OCM: variants seen among roughly 807,000 people sequenced by gnomAD.
The protein encoded by OCM is oncomodulin, also known as oncomodulin-1.
OCM carries 18 observed loss-of-function variants against 14.1 expected under a neutral mutation model. The ratio of observed to expected loss-of-function variants is 1.28; its 90% CI spans 0.88 to 1.89. OCM has a LOEUF of 1.89. Among genes scored for constraint, OCM ranks in the 40% most tolerant of loss-of-function variants. OCM has a pLI of 0.00. For missense variants in OCM, 140 were observed against 137.6 expected, an observed-to-expected ratio of 1.02 and a Z score of -0.09; for synonymous variants, 48 against 51.0, an observed-to-expected ratio of 0.94 and a Z score of 0.25.
At chr7:5,877,035 A>G (rs113688583), upstream of OCM, among the ~76,000 whole-genome samples, 1,668 of 151,908 alleles carry the variant, frequency 0.011, 32 homozygotes, top group African/African-American at 0.039. Flanking sequence ...TGAACTCCCA[A>G]CCTCAGGTGA....
upstream of OCM, among the ~76,000 whole-genome samples, chr7:5,876,755 C>G (rs1490063267): frequency 6.6e-6 from 1 of 151,892 alleles, no homozygotes; most frequent in Admixed American, 6.6e-5. Flanking sequence ...CACTGTTTTA[C>G]CCAGGAAAGA....
At chr7:5,866,795 T>C in the OCM span, among the ~76,000 whole-genome samples, 1 of 152,148 alleles carries the variant, frequency 6.6e-6, no homozygotes, top group African/African-American at 2.4e-5. Flanking sequence ...TAGTTCCAGT[T>C]TATTGTGAGC....
the OCM span, among the ~76,000 whole-genome samples, chr7:5,865,004 A>G: frequency 1.3e-5 from 2 of 151,980 alleles, no homozygotes; most frequent in Non-Finnish European, 2.9e-5. Context: ...GGCATGAGAC[A>G]TTTGACTTGA....
the OCM span, among the ~76,000 whole-genome samples, chr7:5,866,389 A>AGG: frequency 2.9e-4 from 15 of 50,872 alleles, no homozygotes; most frequent in East Asian, 1.9e-3. Context: ...AAGGAGGAAG[A>AGG]GAGGAAGGAA....
the OCM span, among the ~76,000 whole-genome samples, chr7:5,874,268 T>G: frequency 7.2e-6 from 1 of 138,884 alleles, no homozygotes; most frequent in African/African-American, 2.6e-5. Flanking sequence ...TATTTCCACA[T>G]CTTCCTCCTA....
At chr7:5,864,780 A>C in the OCM span, among the ~76,000 whole-genome samples, 3 of 151,946 alleles carry the variant, frequency 2.0e-5, no homozygotes, top group African/African-American at 4.8e-5. Flanking sequence ...CTCTACTAAA[A>C]ATACAAAATT....
At chr7:5,871,425 T>G in the OCM span, among the ~76,000 whole-genome samples, 1 of 152,044 alleles carries the variant, frequency 6.6e-6, no homozygotes, top group Admixed American at 6.6e-5. Flanking sequence ...AACTCCTGGC[T>G]TCAAGGCAAA....
chr7:5,866,362 G>GA, the OCM span, among the ~76,000 whole-genome samples: 1 of 120,722 alleles, frequency 8.3e-6, no homozygotes. Context: ...GGGAGGAAAG[G>GA]AGGAAGGGAG....
At position 5,880,902 on chromosome 7, in the gene OCM, G is replaced by A. The variant is rs1205616573; in HGVS notation, c.13G>A (p.Asp5Asn). 1 of 1,614,092 alleles carries A rather than the reference G, an allele frequency of 6.2e-7. No homozygotes were observed. The highest frequency in any genetic ancestry group is 8.5e-7 in the Non-Finnish European group (1 of 1,179,984). The change falls in exon 1 of 4, where the codon GAC (aspartate) becomes AAC (asparagine). Residue 5 changes from aspartate (D) to asparagine (N), a missense_variant. Coordinates refer to ENST00000242104, the MANE Select transcript of OCM (RefSeq NM_001097622.2). ...GAGTAGGTAGAAAATGAGCATCACG[G>A]ACGTGCTCAGTGCTGACGACATTGC... MSIT[D>N]VLSADDIAAA...
the OCM span, among the ~76,000 whole-genome samples, chr7:5,860,476 TGTATATATACGTG>T: frequency 1.6e-4 from 6 of 36,576 alleles, no homozygotes; most frequent in African/African-American, 7.4e-4. Context: ...TATATATACG[TGTATATATACGTG>T]TATATATATA....
chr7:5,871,048 A>G, the OCM span, among the ~76,000 whole-genome samples: 5,852 of 152,048 alleles, frequency 0.038, 153 homozygotes, highest in Non-Finnish European at 0.055. Flanking sequence ...GTGATCCACA[A>G]ATTAAAATGC....
the OCM span, among the ~76,000 whole-genome samples, chr7:5,874,586 C>T: frequency 1.3e-5 from 2 of 151,914 alleles, no homozygotes; most frequent in Non-Finnish European, 2.9e-5. Context: ...CTCACTGCAG[C>T]CTCAAACTCC....
At chr7:5,868,084 G>A in the OCM span, among the ~76,000 whole-genome samples, 4 of 150,912 alleles carry the variant, frequency 2.7e-5, no homozygotes, top group South Asian at 2.1e-4. Context: ...TTTTTTCTTC[G>A]GTGTCTAATT....
upstream of OCM, chr7:5,879,896 C>T (rs1781174617): frequency 6.6e-6 from 1 of 152,078 alleles, no homozygotes; most frequent in Non-Finnish European, 1.5e-5. Context: ...GTAGCAAAAA[C>T]ACATCTGTTG....
the OCM span, among the ~76,000 whole-genome samples, chr7:5,860,699 CGTATATATACGT>C: frequency 4.7e-4 from 61 of 129,574 alleles, 3 homozygotes; most frequent in Non-Finnish European, 6.7e-4. Context: ...TATATTATTA[CGTATATATACGT>C]GTATATATAC....
chr7:5,864,958 G>GA, the OCM span, among the ~76,000 whole-genome samples: 1 of 152,076 alleles, frequency 6.6e-6, no homozygotes, highest in Non-Finnish European at 1.5e-5. Flanking sequence ...AAGAACTAGG[G>GA]AAATAGAGTG....
the OCM span, chr7:5,872,163 C>T: frequency 8.5e-5 from 13 of 152,220 alleles, no homozygotes; most frequent in Non-Finnish European, 5.9e-5. Flanking sequence ...GCATTTTGCC[C>T]TGGCCCGTGG....
the OCM span, among the ~76,000 whole-genome samples, chr7:5,869,377 C>A: frequency 2.0e-5 from 3 of 152,062 alleles, no homozygotes; most frequent in Non-Finnish European, 4.4e-5. Context: ...GCAGGTGGAT[C>A]ACTTGAGGTC....
At chr7:5,864,728 G>A in the OCM span, among the ~76,000 whole-genome samples, 2 of 152,106 alleles carry the variant, frequency 1.3e-5, no homozygotes, top group Non-Finnish European at 2.9e-5. Context: ...GCCAAGCCAG[G>A]CGGATCACCT....
Sources: allele counts gnomAD v4.1 joint callset (sites outside exome capture counted in the v4.1 genomes callset), GRCh38; gene constraint gnomAD v4.1.1; transcripts MANE v1.5; gene names NCBI Gene and HGNC (gene_info 2026-07-23, HGNC 2026-07-21).